The following RAP1GAP2 variants were observed in gnomAD, a reference collection of about 807,000 sequenced individuals.
RAP1GAP2 encodes the protein rap1 GTPase-activating protein 2.
In RAP1GAP2, 27 loss-of-function variants were observed where a neutral mutation model predicts 95.0. That is an observed-to-expected ratio of 0.28 (90% CI 0.21 to 0.39). The LOEUF (loss-of-function observed/expected upper bound fraction) is 0.39. RAP1GAP2 is among the 10% of genes least tolerant of loss of function. The pLI is 1.00. For synonymous variants in RAP1GAP2, 373 were observed against 380.9 expected (o/e 0.98, Z 0.24); for missense variants, 771 against 970.0 (o/e 0.79, Z 2.72).
chr17:3,009,147 G>T (rs2046429322), intron 17 of RAP1GAP2, among the ~76,000 whole-genome samples: 1 of 152,116 alleles, frequency 6.6e-6, no homozygotes, highest in East Asian at 1.9e-4. Flanking sequence ...GCCTCTTAAG[G>T]TGCAGCTTTC....
At chr17:2,758,112 G>A (rs547268053) in intron 1 of RAP1GAP2, among the ~76,000 whole-genome samples, 240 of 147,780 alleles carry the variant, frequency 1.6e-3, no homozygotes, top group African/African-American at 5.3e-3. Context: ...CTCATGATCC[G>A]CCCGCCTTGG....
chr17:2,934,735 C>T (rs976904132), intron 3 of RAP1GAP2, among the ~76,000 whole-genome samples: 7 of 152,222 alleles, frequency 4.6e-5, no homozygotes, highest in Non-Finnish European at 4.4e-5. Context: ...TAATTGGAAG[C>T]ATTTTTGCTT....
chr17:2,942,881 C>T (rs1316728345), intron 3 of RAP1GAP2, among the ~76,000 whole-genome samples: 1 of 152,108 alleles, frequency 6.6e-6, no homozygotes, highest in Non-Finnish European at 1.5e-5. Context: ...GATTCTCCTG[C>T]CTTAGCCTCC....
chr17:2,865,894 G>A (rs1363125032), intron 2 of RAP1GAP2, among the ~76,000 whole-genome samples: 1 of 152,206 alleles, frequency 6.6e-6, no homozygotes, highest in Non-Finnish European at 1.5e-5. Flanking sequence ...AATGCAAGCT[G>A]CAGTCCCTCC....
At chr17:2,805,752 GTA>G (rs2069488964) in intron 2 of RAP1GAP2, among the ~76,000 whole-genome samples, 1 of 98,186 alleles carries the variant, frequency 1.0e-5, no homozygotes, top group East Asian at 2.3e-4. Flanking sequence ...AGAGATGCGT[GTA>G]TGTGTGTGTG....
chr17:2,949,881 C>T (rs1183209153), intron 3 of RAP1GAP2, among the ~76,000 whole-genome samples: 1 of 152,198 alleles, frequency 6.6e-6, no homozygotes, highest in African/African-American at 2.4e-5. Context: ...GCCGGCCCAG[C>T]CAAGGCCATG....
At chr17:2,842,490 A>G (rs1191427489) in intron 2 of RAP1GAP2, among the ~76,000 whole-genome samples, 1 of 145,640 alleles carries the variant, frequency 6.9e-6, no homozygotes, top group African/African-American at 2.6e-5. Flanking sequence ...AGATCGCGCT[A>G]CTGCACTCCA....
rs1487939954 is a variant in RAP1GAP2 at position 2,857,044 on chromosome 17, G to C, written c.81-48240G>C. Among the ~76,000 whole-genome samples, 2 of 152,202 alleles carry C rather than the reference G, an allele frequency of 1.3e-5. No homozygotes were observed. The highest frequency in any genetic ancestry group is 4.8e-5 in the African/African-American group (2 of 41,454). ...GGCCTGGAGCAGGCTGCAGCTGCCA[G>C]CCTCTCTTAAGCATCCCCCATACTC... On this transcript the variant is annotated intron_variant, in intron 2 of 24. Coordinates refer to ENST00000254695, the MANE Select transcript of RAP1GAP2 (RefSeq NM_015085.5). The surrounding 1 kb of genome is among the most constrained non-coding windows in gnomAD (Gnocchi z 4.0).
chr17:2,978,349 C>T (rs889701173), intron 8 of RAP1GAP2, among the ~76,000 whole-genome samples: 1 of 152,062 alleles, frequency 6.6e-6, no homozygotes, highest in African/African-American at 2.4e-5. Context: ...GGCTTGAACA[C>T]AGGCGGTGAG....
In RAP1GAP2 at chr17:2,761,979, C is replaced by CTT. The variant is rs901487276; in HGVS notation, c.50+6238_50+6239dup. On this transcript the variant is annotated intron_variant, in intron 1 of 25. Transcript: ENST00000637138. ...ATGTAGTTATTGTCCGTTTATATAT[C>CTT]TTTTTTTTTTTTTTTTTTTTTTTTT... 2.4e-3 allele frequency among the ~76,000 whole-genome samples: 185 copies of CTT among 77,756 alleles called. 21 individuals are homozygous for CTT. Among genetic ancestry groups the CTT allele is most frequent in the East Asian group, 9.2e-3 (18 of 1,948 alleles). The allele number at this position is 77,756 out of a possible 152,430, so 51.0% of individuals were successfully genotyped here. A position where few individuals can be genotyped will look rare whatever the true frequency, so the allele number is the denominator to read the frequency against.
chr17:2,768,679 C>T (rs954594354), intron 1 of RAP1GAP2, among the ~76,000 whole-genome samples: 16 of 119,224 alleles, frequency 1.3e-4, no homozygotes, highest in African/African-American at 5.3e-4. Flanking sequence ...GCAACAAGAG[C>T]GAAACTCTGT....
At chr17:3,014,518 G>A (rs1414749868) in intron 17 of RAP1GAP2, among the ~76,000 whole-genome samples, 1 of 151,142 alleles carries the variant, frequency 6.6e-6, no homozygotes, top group Non-Finnish European at 1.5e-5. Context: ...CAACGCACAA[G>A]GGCACCAAGA....
In RAP1GAP2 at chr17:3,032,434, C is replaced by G; in HGVS notation, c.*15C>G. Reference sequence around the variant, plus strand: ...AGGGTCACTAATGTGAAAGTGGAGTCCTTCGCCTGTCCAAGGTGGGTTGAG... The same window carrying G: ...AGGGTCACTAATGTGAAAGTGGAGTGCTTCGCCTGTCCAAGGTGGGTTGAG... On this transcript the variant is annotated 3_prime_UTR_variant, in exon 24 of 25. Coordinates refer to ENST00000254695, the MANE Select transcript of RAP1GAP2 (RefSeq NM_015085.5). 6.2e-7 allele frequency: 1 copy of G among 1,613,828 alleles called. No homozygotes were observed. Among genetic ancestry groups the G allele is most frequent in the Non-Finnish European group, 8.5e-7 (1 of 1,179,752 alleles).
intron 8 of RAP1GAP2, among the ~76,000 whole-genome samples, chr17:2,966,147 C>T (rs1021527426): frequency 6.6e-6 from 1 of 152,180 alleles, no homozygotes; most frequent in African/African-American, 2.4e-5. Context: ...GGGCACCTCT[C>T]TCTGGATTGT....
In RAP1GAP2 at chr17:3,032,351, G is replaced by A. The variant is rs139136057; in HGVS notation, c.2185-60G>A. The stretch of plus-strand genomic sequence containing the variant: ...TGAGAGCTGAGTGCACAGAGCCGCC[G>A]TGGAAGGGACCTGTGCTGTCTGGTT... On this transcript the variant is annotated intron_variant, in intron 23 of 24. Coordinates refer to ENST00000254695, the MANE Select transcript of RAP1GAP2 (RefSeq NM_015085.5). 8.3e-4 allele frequency: 1,335 copies of A among 1,607,264 alleles called. 11 individuals carry two copies. The African/African-American group carries it at 0.016, about 19-fold the overall frequency.
At chr17:2,772,985 A>G (rs532516681), upstream of RAP1GAP2, among the ~76,000 whole-genome samples, 12 of 150,126 alleles carry the variant, frequency 8.0e-5, no homozygotes, top group South Asian at 2.3e-3. Context: ...CAGCCTCCCT[A>G]GTAGCTGGGA....
At chr17:3,024,476 A>G (rs902108432) in intron 19 of RAP1GAP2, among the ~76,000 whole-genome samples, 2 of 152,214 alleles carry the variant, frequency 1.3e-5, no homozygotes, top group African/African-American at 2.4e-5. Flanking sequence ...ACTTTGGAAA[A>G]GAGTCTGGCA....
At chr17:2,818,058 A>G (rs1205163334) in intron 2 of RAP1GAP2, among the ~76,000 whole-genome samples, 1 of 151,466 alleles carries the variant, frequency 6.6e-6, no homozygotes, top group Non-Finnish European at 1.5e-5. Flanking sequence ...GGATGGTCTC[A>G]ATCTCCTGAC....
At position 3,029,087 on chromosome 17, in the gene RAP1GAP2, C is replaced by T. The variant is rs137990808; in HGVS notation, c.2108-1835C>T. 9.6e-3 allele frequency among the ~76,000 whole-genome samples: 1,462 copies of T among 152,252 alleles called. 15 individuals carry two copies. The highest frequency in any genetic ancestry group is 0.014 in the Non-Finnish European group (983 of 68,024). On this transcript the variant is annotated intron_variant, in intron 22 of 24. Transcript: ENST00000254695. The surrounding 1 kb of genome is among the most constrained non-coding windows in gnomAD (Gnocchi z 4.4). Reference sequence around the variant, plus strand: ...TGCTGGGATTACAGGCGTGAGCCACCGCGCCTGACCTGGTGTTTTTGTTTT... The same window carrying T: ...TGCTGGGATTACAGGCGTGAGCCACTGCGCCTGACCTGGTGTTTTTGTTTT...
Sources: gnomAD v4.1 joint callset for allele counts (sites outside exome capture counted in the v4.1 genomes callset) on GRCh38, gnomAD v4.1.1 for gene constraint, Gnocchi (gnomAD v3.1) non-coding constraint, MANE v1.5 for transcripts, NCBI Gene and HGNC (gene_info 2026-07-23, HGNC 2026-07-21) for gene names.